TATDN3: variants seen among roughly 807,000 people sequenced by gnomAD.
TATDN3 encodes TatD DNase domain containing 3.
TATDN3 carries 29 observed loss-of-function variants against 40.1 expected under a neutral mutation model. The observed-to-expected ratio is 0.72, with a 90% CI of 0.54 to 0.99. The LOEUF (loss-of-function observed/expected upper bound fraction) is 0.99. Ranked by LOEUF, TATDN3 falls within the 50% of genes least tolerant of loss-of-function variation. The pLI, the probability that TATDN3 is intolerant of heterozygous loss-of-function variation, is 0.00. For synonymous variants in TATDN3, 105 were observed against 117.0 expected (o/e 0.90, Z 0.66); for missense variants, 309 against 321.9 (o/e 0.96, Z 0.31).
chr1:212,792,473 C>CA (rs571045425), intron 1 of TATDN3, among the ~76,000 whole-genome samples: 69,105 of 120,060 alleles, frequency 0.58, 19,930 homozygotes, highest in Non-Finnish European at 0.67. Flanking sequence ...CTCGTCCCTA[C>CA]AAAAAAAAAA....
At position 212,807,841 on chromosome 1, in the gene TATDN3, G is replaced by A. The variant is rs1395978926; in HGVS notation, c.593G>A (p.Ser198Asn). 8 of 1,604,030 alleles carry A rather than the reference G, an allele frequency of 5.0e-6. No homozygotes were observed. Among genetic ancestry groups the A allele is most frequent in the Non-Finnish European group, 6.8e-6 (8 of 1,175,628 alleles). Reference protein sequence around the residue: ...FFSIPPSIIRSGQKQKLVKQL... With the variant: ...FFSIPPSIIRNGQKQKLVKQL... ...TCAATTCCCCCTTCTATCATAAGAA[G>A]TGGACAGGTAAATTTTTTCATTGAA... The change falls in exon 8 of 10, where the codon AGT (serine) becomes AAT (asparagine). Residue 198 changes from serine (S) to asparagine (N), a missense_variant. Transcript: ENST00000366974.
rs772741669 is a variant in TATDN3, at chr1:212,791,962, A to G, written c.41A>G (p.His14Arg). 1 of 1,613,708 alleles carries G rather than the reference A, an allele frequency of 6.2e-7. No homozygotes were observed. Among genetic ancestry groups the G allele is most frequent in the East Asian group, 2.2e-5 (1 of 44,842 alleles). ...GTAGGCTTGGTGGACTGTCACTGCCACCTCTCCGCCCCGGACTTTGACCGC... is the reference window on the plus strand; with the variant it reads ...GTAGGCTTGGTGGACTGTCACTGCCGCCTCTCCGCCCCGGACTTTGACCGC... ...AGVGLVDCHC[H>R]LSAPDFDRDL... The change falls in exon 1 of 10, where the codon CAC becomes CGC. Residue 14 changes from histidine (H) to arginine (R), a missense_variant. His to Arg is a conservative substitution (Grantham distance 29, BLOSUM62 0). Coordinates refer to ENST00000366974, the MANE Select transcript of TATDN3 (RefSeq NM_001042552.3).
At chr1:212,803,892 C>T (rs190844178) in intron 5 of TATDN3, among the ~76,000 whole-genome samples, 1 of 151,934 alleles carries the variant, frequency 6.6e-6, no homozygotes, top group African/African-American at 2.4e-5. Flanking sequence ...AAAAATTAGC[C>T]GGGCGTGGTA....
At chr1:212,799,607 G>A (rs942591296) in intron 4 of TATDN3, among the ~76,000 whole-genome samples, 8 of 150,948 alleles carry the variant, frequency 5.3e-5, no homozygotes, top group East Asian at 1.9e-4. Context: ...GCGCCATCTC[G>A]GCTCACTGCA....
Position 212,804,632 on chromosome 1 carries a change from C to T in TATDN3, c.468C>T (p.Ile156=). 1.2e-6 allele frequency: 2 copies of T among 1,613,556 alleles called. No homozygotes were observed. Among genetic ancestry groups the T allele is most frequent in the Non-Finnish European group, 1.7e-6 (2 of 1,179,792 alleles). The stretch of plus-strand genomic sequence containing the variant: ...CACGCTCTGCTGGAAGACCTACCAT[C>T]AACCTTTTACAAGAGCAAGGTATTT... ...VHSRSAGRPT[I]NLLQEQGAEK... is the part of the protein sequence containing the mutation. The change falls in exon 7 of 10, where the codon ATC becomes ATT. Residue 156 remains isoleucine, a synonymous_variant. Transcript: ENST00000366974.
intron 3 of TATDN3, chr1:212,796,904 T>C: frequency 2.0e-6 from 1 of 506,934 alleles, no homozygotes. Flanking sequence ...CCTGGCTAAT[T>C]TTTATATTTT....
intron 1 of TATDN3, 55 bp downstream of exon 1, chr1:212,792,042 CT>C (rs1161083605): frequency 6.4e-7 from 1 of 1,562,800 alleles, no homozygotes; most frequent in Non-Finnish European, 8.8e-7. Flanking sequence ...GTCCTTTCCC[CT>C]CGTGTTATCT....
rs1019525001 is a variant in TATDN3, at chr1:212,807,673, T to A, written c.488-63T>A. Reference sequence around the variant, plus strand: ...ACATTTACTTAAAATTTCAGACTTCTGTTATTTAATTTGATTGATGGGACA... The same window carrying A: ...ACATTTACTTAAAATTTCAGACTTCAGTTATTTAATTTGATTGATGGGACA... On this transcript the variant is annotated intron_variant, in intron 7 of 9. Coordinates refer to ENST00000366974, the MANE Select transcript of TATDN3 (RefSeq NM_001042552.3). 9 of 1,301,182 alleles carry A rather than the reference T, an allele frequency of 6.9e-6. 1 individual carries two copies. The highest frequency in any genetic ancestry group is 2.2e-5 in the Admixed American group (1 of 46,388). 80.6% of individuals were successfully genotyped at this position (1,301,182 alleles called of 1,614,324 possible). A position where few individuals can be genotyped will look rare whatever the true frequency, so the allele number is the denominator to read the frequency against.
At chr1:212,794,960 G>T (rs1369333566) in intron 1 of TATDN3, 135 bp from the exon 2 acceptor site, 8 of 698,114 alleles carry the variant, frequency 1.1e-5, no homozygotes, top group Non-Finnish European at 1.8e-5. Context: ...GTCAGTGTAG[G>T]CTCTTTGTTT....
At chr1:212,813,822 T>C (rs572946353) in intron 9 of TATDN3, among the ~76,000 whole-genome samples, 1 of 152,298 alleles carries the variant, frequency 6.6e-6, no homozygotes, top group Non-Finnish European at 1.5e-5. Context: ...GCAATTCTCC[T>C]GCCTCAGCCT....
At chr1:212,809,455 C>T (rs111530452) in intron 8 of TATDN3, among the ~76,000 whole-genome samples, 3,465 of 152,024 alleles carry the variant, frequency 0.023, 62 homozygotes, top group South Asian at 0.041. Flanking sequence ...GAGGCCGAGG[C>T]GGGCAGATCA....
chr1:212,806,164 G>A (rs1234602708), intron 7 of TATDN3, among the ~76,000 whole-genome samples: 1 of 151,998 alleles, frequency 6.6e-6, no homozygotes, highest in Non-Finnish European at 1.5e-5. Context: ...TAATAACTGG[G>A]GATAGTTTTA....
chr1:212,812,517 G>C (rs1662946830), intron 9 of TATDN3, among the ~76,000 whole-genome samples, 189 bp downstream of exon 9: 1 of 152,118 alleles, frequency 6.6e-6, no homozygotes, highest in Admixed American at 6.6e-5. Flanking sequence ...AATATTATTT[G>C]ATAATGAAGC....
At chr1:212,801,868 CCTT>C (rs1171876970) in intron 4 of TATDN3, among the ~76,000 whole-genome samples, 1 of 152,148 alleles carries the variant, frequency 6.6e-6, no homozygotes, top group Non-Finnish European at 1.5e-5. Context: ...AACTTACCCT[CCTT>C]CATCTTTGTT....
At chr1:212,806,767 T>TACACACACACACACAC (rs1662513879) in intron 7 of TATDN3, among the ~76,000 whole-genome samples, 1 of 115,470 alleles carries the variant, frequency 8.7e-6, no homozygotes, top group African/African-American at 3.1e-5. Flanking sequence ...TATATATATA[T>TACACACACACACACAC]ATATATATAT....
At chr1:212,810,570 C>A (rs1469683281) in intron 8 of TATDN3, among the ~76,000 whole-genome samples, 1 of 150,356 alleles carries the variant, frequency 6.7e-6, no homozygotes, top group Non-Finnish European at 1.5e-5. Context: ...GCCTATAGTC[C>A]CAACTACTTG....
intron 9 of TATDN3, among the ~76,000 whole-genome samples, chr1:212,814,798 T>G (rs1013767770): frequency 6.6e-6 from 1 of 152,168 alleles, no homozygotes; most frequent in African/African-American, 2.4e-5. Context: ...ACTTCAATTG[T>G]AAATACCCCA....
intron 5 of TATDN3, among the ~76,000 whole-genome samples, chr1:212,803,369 A>G (rs1558081081): frequency 6.6e-6 from 1 of 151,962 alleles, no homozygotes; most frequent in African/African-American, 2.4e-5. Context: ...TTTTTAGTAG[A>G]GACGGGGTTT....
At chr1:212,805,215 G>T (rs1303780074) in intron 7 of TATDN3, among the ~76,000 whole-genome samples, 1 of 150,962 alleles carries the variant, frequency 6.6e-6, no homozygotes, top group Non-Finnish European at 1.5e-5. Flanking sequence ...ACCCGCCTCA[G>T]CCTGCCAAAG....
Sources: gnomAD v4.1 joint callset for allele counts (sites outside exome capture counted in the v4.1 genomes callset) on GRCh38, gnomAD v4.1.1 for gene constraint, MANE v1.5 for transcripts, NCBI Gene and HGNC (gene_info 2026-07-23, HGNC 2026-07-21) for gene names.